Variants in NBPF12 observed in about 807,000 individuals in gnomAD.
The protein encoded by NBPF12 is NBPF family member NBPF12.
Under a neutral mutation model 146.4 loss-of-function variants are expected in NBPF12, and 115 were observed. That is an observed-to-expected ratio of 0.79 (90% confidence interval 0.68 to 0.92). The LOEUF is 0.92. NBPF12 is among the 40% of genes least tolerant of loss of function. The pLI, the probability that NBPF12 is intolerant of heterozygous loss-of-function variation, is 0.00. For missense variants in NBPF12, 1,205 were observed against 1,326.8 expected, an observed-to-expected ratio of 0.91 and a Z score of 1.43; for synonymous variants, 385 against 508.9, an observed-to-expected ratio of 0.76 and a Z score of 3.28.
At chr1:146,966,032 G>C (rs1463247967) in intron 8 of NBPF12, among the ~76,000 whole-genome samples, 2 of 151,652 alleles carry the variant, frequency 1.3e-5, no homozygotes, top group Admixed American at 6.6e-5. Context: ...GCTTGAACCC[G>C]GGAGGCAGAG....
chr1:146,949,624 C>G (rs1456435062), intron 1 of NBPF12, among the ~76,000 whole-genome samples: 1 of 119,748 alleles, frequency 8.4e-6, no homozygotes, highest in Non-Finnish European at 1.7e-5. Context: ...ATGAAGCGGC[C>G]GGGTTCTCTG....
At chr1:146,981,358 A>G (rs1394146569) in intron 19 of NBPF12, among the ~76,000 whole-genome samples, 1 of 148,948 alleles carries the variant, frequency 6.7e-6, no homozygotes, top group Non-Finnish European at 1.5e-5. Context: ...ACATATGGAA[A>G]AAAAAAGAAT....
intron 30 of NBPF12, 99 bp downstream of exon 33, chr1:146,991,384 A>T: frequency 2.5e-6 from 2 of 791,898 alleles, no homozygotes; most frequent in Non-Finnish European, 4.3e-6. Context: ...GAGAGACGTC[A>T]TTGCCACAGG....
chr1:146,965,470 CA>C lies in NBPF12; in HGVS notation c.778+367del, dbSNP rs1396485470. Among the ~76,000 whole-genome samples the C allele has an allele frequency of 5.4e-5, 8 of 148,296 alleles. No homozygotes were observed. In the Admixed American group the frequency reaches 5.5e-4, roughly 10 times the overall value. ...TTCTGTCAGGCTAGACTCTCTTTTT[CA>C]TTGGCTTGTCTTAGCTATTAATAAG... On this transcript the variant is annotated intron_variant, in intron 8 of 33. Coordinates refer to ENST00000617844, the Ensembl canonical transcript of NBPF12.
chr1:146,994,815 C>G lies in NBPF12; in HGVS notation c.*240C>G, dbSNP rs1358161046. 3.9e-6 allele frequency: 3 copies of G among 775,814 alleles called. No individual in the cohort carries two copies. In the South Asian group the frequency reaches 5.6e-5, roughly 14 times the overall value. The allele number at this position is 775,814 out of a possible 1,614,324, so 48.1% of individuals were successfully genotyped here. A position where few individuals can be genotyped will look rare whatever the true frequency, so the allele number is the denominator to read the frequency against. Reference sequence around the variant, plus strand: ...GCAGCACATGCCGGGAGTGATCAGCCGGACATTTTAATTTGAACCATGTAT... The same window carrying G: ...GCAGCACATGCCGGGAGTGATCAGCGGGACATTTTAATTTGAACCATGTAT... On this transcript the variant is annotated 3_prime_UTR_variant, in exon 34 of 34. Coordinates refer to ENST00000617844, the Ensembl canonical transcript of NBPF12.
At chr1:146,953,567 G>A (rs1317967228) in intron 2 of NBPF12, among the ~76,000 whole-genome samples, 2 of 146,074 alleles carry the variant, frequency 1.4e-5, no homozygotes, top group Non-Finnish European at 3.0e-5. Flanking sequence ...GAGAAAAACC[G>A]TATGATTACC....
intron 31 of NBPF12, 140 bp downstream of exon 34, chr1:146,992,186 T>G: frequency 1.8e-6 from 1 of 555,374 alleles, no homozygotes; most frequent in Non-Finnish European, 3.1e-6. Context: ...GCTGTTGGTT[T>G]TCATTGCAGT....
intron 2 of NBPF12, 114 bp downstream of exon 2, chr1:146,943,676 G>T (rs1270850396): frequency 3.2e-6 from 2 of 628,300 alleles, no homozygotes; most frequent in African/African-American, 4.0e-5. Context: ...GCCTTGCGTG[G>T]CATCAAACAG....
chr1:146,942,523 A>AAATG lies in NBPF12; in HGVS notation c.-821-753_-821-750dup, dbSNP rs1243393666. Among the ~76,000 whole-genome samples, 27 of 151,658 alleles carry AAATG rather than the reference A, an allele frequency of 1.8e-4. 1 individual carries two copies. Among genetic ancestry groups the AAATG allele is most frequent in the African/African-American group, 6.1e-4 (25 of 41,080 alleles). ...AACAGATATTGAATAAATATTTGTT[A>AAATG]AATGAATGAATGAATGAACATACTA... is the stretch of plus-strand genomic sequence containing the variant. On this transcript the variant is annotated intron_variant, in intron 1 of 35. Coordinates refer to the NBPF12 transcript ENST00000617931.
chr1:146,986,960 TG>T (rs1657804853), intron 24 of NBPF12, among the ~76,000 whole-genome samples: 1 of 127,712 alleles, frequency 7.8e-6, no homozygotes, highest in Non-Finnish European at 1.7e-5. Flanking sequence ...TTCTTTGAAC[TG>T]ATGGGAACAA....
At chr1:146,965,000 A>G (rs1408333087) in exon 8 of NBPF12, 4 of 1,608,188 alleles carry the variant, frequency 2.5e-6, no homozygotes, top group Non-Finnish European at 3.4e-6. Context: ...CAGCCTCACA[A>G]GAACATCAAA....
At chr1:146,972,840 G>A in exon 14 of NBPF12, 1 of 1,327,928 alleles carries the variant, frequency 7.5e-7, no homozygotes, top group Non-Finnish European at 1.1e-6. Context: ...GAACATTCTA[G>A]AAATCAATGA....
intron 5 of NBPF12, 27 bp downstream of exon 8, chr1:146,962,290 G>A (rs1655897637): frequency 1.3e-6 from 2 of 1,578,278 alleles, no homozygotes; most frequent in Admixed American, 1.7e-5. Context: ...GGGGGAGGCA[G>A]GCGGGTAGGT....
At position 146,994,416 on chromosome 1, in the gene NBPF12, C is replaced by G. The variant is rs1553890052; in HGVS notation, c.4215C>G (p.Tyr1405Ter). The change falls in exon 34 of 34, where the codon TAC becomes TAG. Residue 1405 changes from tyrosine to a stop codon, truncating the protein, a stop_gained. Transcript: ENST00000617844. LOFTEE classifies it high-confidence loss of function. ...GATGTTATTCGACTCCATCAATGTA[C>G]TTTGAACTACCTGACTCATTCCAGC... The G allele has an allele frequency of 1.9e-6, 3 of 1,612,264 alleles. No homozygotes were observed. Among genetic ancestry groups the G allele is most frequent in the South Asian group, 2.2e-5 (2 of 91,006 alleles).
At chr1:146,980,116 A>T (rs1341507891) in intron 19 of NBPF12, among the ~76,000 whole-genome samples, 2,862 of 151,650 alleles carry the variant, frequency 0.019, 119 homozygotes, top group African/African-American at 0.065. Context: ...AGTCTGTTTT[A>T]TCAGAGACTA....
chr1:146,969,164 A>T (rs1165765575), intron 10 of NBPF12, among the ~76,000 whole-genome samples: 28 of 151,324 alleles, frequency 1.9e-4, no homozygotes, highest in Non-Finnish European at 3.2e-4. Context: ...GATGAATGGA[A>T]CATCATCGAG....
At chr1:146,941,191 G>T (rs1313489100) in intron 1 of NBPF12, among the ~76,000 whole-genome samples, 3 of 151,226 alleles carry the variant, frequency 2.0e-5, no homozygotes, top group Non-Finnish European at 4.4e-5. Context: ...CTCAGGTGAT[G>T]CTCCTGCCTC....
chr1:146,972,220 C>T (rs1198531033), intron 13 of NBPF12, among the ~76,000 whole-genome samples: 16 of 151,020 alleles, frequency 1.1e-4, no homozygotes, highest in Admixed American at 2.6e-4. Flanking sequence ...GTTGGCGAAA[C>T]CCCATCTCTA....
In NBPF12 at chr1:146,941,197, GC is replaced by G. The variant is rs1654787316; in HGVS notation, c.-821-2092del. Among the ~76,000 whole-genome samples the G allele has an allele frequency of 5.9e-5, 9 of 151,354 alleles. 1 individual carries two copies. In the South Asian group the frequency reaches 1.9e-3, roughly 32 times the overall value. ...CTCCCAAGGCTCAGGTGATGCTCCT[GC>G]CTCAGTCCCCAAGTAGCTGGGACCT... On this transcript the variant is annotated intron_variant, in intron 1 of 35. Transcript: ENST00000617931.
Sources: allele counts gnomAD v4.1 joint callset (sites outside exome capture counted in the v4.1 genomes callset), GRCh38; gene constraint gnomAD v4.1.1; transcripts MANE v1.5; gene names NCBI Gene and HGNC (gene_info 2026-07-23, HGNC 2026-07-21).